The following MALRD1 variants were observed in gnomAD, a reference collection of about 807,000 sequenced individuals.
MALRD1 encodes MAM and LDL-receptor class A domain-containing protein 1.
A neutral mutation model predicts 242.1 loss-of-function variants in MALRD1; 247 were observed. That is an observed-to-expected ratio of 1.02 (90% CI 0.92 to 1.13). The LOEUF (loss-of-function observed/expected upper bound fraction) is 1.13, where lower values mean the gene tolerates loss of function less well. MALRD1 is among the 50% of genes most tolerant of loss of function. MALRD1 has a pLI of 0.00. For missense variants in MALRD1, 2,989 were observed against 2,533.1 expected, an observed-to-expected ratio of 1.18 and a Z score of -3.86; for synonymous variants, 995 against 866.6, an observed-to-expected ratio of 1.15 and a Z score of -2.60.
At chr10:19,599,282 G>C (rs1838243796) in intron 34 of MALRD1, among the ~76,000 whole-genome samples, 1 of 151,474 alleles carries the variant, frequency 6.6e-6, no homozygotes, top group Non-Finnish European at 1.5e-5. Context: ...CTTTATTTTT[G>C]CAGAAATAAT....
intron 18 of MALRD1, among the ~76,000 whole-genome samples, chr10:19,222,632 A>G (rs535766057): frequency 8.1e-4 from 123 of 152,318 alleles, no homozygotes; most frequent in African/African-American, 2.8e-3. Flanking sequence ...ACAAAAAAGC[A>G]GGAGTTTATT....
intron 32 of MALRD1, among the ~76,000 whole-genome samples, chr10:19,561,308 G>T (rs571938334): frequency 6.6e-6 from 1 of 152,010 alleles, no homozygotes; most frequent in Non-Finnish European, 1.5e-5. Flanking sequence ...GCTGTTTCTG[G>T]GTGAAGTACT....
chr10:19,318,250 A>G (rs944046980), intron 21 of MALRD1, among the ~76,000 whole-genome samples: 13 of 152,040 alleles, frequency 8.6e-5, no homozygotes, highest in African/African-American at 2.4e-4. Flanking sequence ...ATTAATACCT[A>G]TAAGACTGGC....
chr10:19,689,244 G>A (rs967243654), intron 36 of MALRD1, among the ~76,000 whole-genome samples: 1 of 152,148 alleles, frequency 6.6e-6, no homozygotes, highest in Non-Finnish European at 1.5e-5. Context: ...GTGTGTGTGT[G>A]TGTGTATCTG....
intron 18 of MALRD1, among the ~76,000 whole-genome samples, chr10:19,244,233 T>G (rs2131757063): frequency 6.6e-6 from 1 of 152,318 alleles, no homozygotes; most frequent in Non-Finnish European, 1.5e-5. Flanking sequence ...CTTAGGCTTC[T>G]TATCTTTCCT....
chr10:19,567,625 G>T lies in MALRD1; in HGVS notation c.5602G>T (p.Glu1868Ter). The change falls in exon 33 of 40, where the codon GAA (glutamate) becomes TAA (stop). Residue 1868 changes from glutamate to a stop codon, truncating the protein, a stop_gained. Transcript: ENST00000454679. LOFTEE classifies it high-confidence loss of function. ...SSNSPFKVAFEADLDGNEDIF... is the reference protein window; with the variant it reads ...SSNSPFKVAF ...TAACAGTCCGTTTAAGGTGGCATTT[G>T]AAGCTGATTTGGATGGAAATGAGGA... is the stretch of plus-strand genomic sequence containing the variant. 6.4e-7 allele frequency: 1 copy of T among 1,550,702 alleles called. No homozygotes were observed. Among genetic ancestry groups the T allele is most frequent in the Non-Finnish European group, 8.7e-7 (1 of 1,146,978 alleles).
chr10:19,535,085 C>T (rs1403649170), intron 32 of MALRD1, among the ~76,000 whole-genome samples: 1 of 152,062 alleles, frequency 6.6e-6, no homozygotes, highest in Non-Finnish European at 1.5e-5. Context: ...GGCGTTTCAC[C>T]ATGTTGGCCA....
chr10:19,330,754 C>T (rs1011721931), intron 23 of MALRD1, among the ~76,000 whole-genome samples: 21 of 151,974 alleles, frequency 1.4e-4, no homozygotes, highest in South Asian at 8.3e-4. Context: ...AGTCCACACA[C>T]GTGGGAAATC....
At chr10:19,693,836 C>T (rs1833226161) in intron 38 of MALRD1, among the ~76,000 whole-genome samples, 1 of 152,132 alleles carries the variant, frequency 6.6e-6, no homozygotes, top group Non-Finnish European at 1.5e-5. Context: ...TATTACAAGG[C>T]TATAGTGACC....
rs914687822 is a variant in MALRD1 at position 19,247,320 on chromosome 10, C to G, written c.2992-10364C>G. The stretch of plus-strand genomic sequence containing the variant: ...ATTACTTCATTAAAAATATTCTCAA[C>G]ATTCATCACATTAAGAAATCACATA... On this transcript the variant is annotated intron_variant, in intron 18 of 39. Coordinates refer to ENST00000454679, the MANE Select transcript of MALRD1 (RefSeq NM_001142308.3). Among the ~76,000 whole-genome samples, 4 of 152,064 alleles carry G rather than the reference C, an allele frequency of 2.6e-5. No individual in the cohort carries two copies. The South Asian group carries it at 8.3e-4, about 32-fold the overall frequency.
At chr10:19,674,390 C>T (rs1842052823) in intron 36 of MALRD1, among the ~76,000 whole-genome samples, 1 of 152,058 alleles carries the variant, frequency 6.6e-6, no homozygotes, top group Non-Finnish European at 1.5e-5. Context: ...GAAAAATTTC[C>T]TGTTTTAGTT....
chr10:19,605,740 T>C (rs981907652), intron 34 of MALRD1, among the ~76,000 whole-genome samples: 18 of 152,160 alleles, frequency 1.2e-4, no homozygotes, highest in African/African-American at 4.3e-4. Context: ...AATGCTTATC[T>C]ACAACAATGC....
At chr10:19,191,793 T>C (rs920827031) in intron 14 of MALRD1, among the ~76,000 whole-genome samples, 1 of 151,668 alleles carries the variant, frequency 6.6e-6, no homozygotes, top group Non-Finnish European at 1.5e-5. Flanking sequence ...AGGTCAGGAG[T>C]TTGAGACCAG....
intron 36 of MALRD1, among the ~76,000 whole-genome samples, chr10:19,627,290 G>A: frequency 6.6e-6 from 1 of 152,142 alleles, no homozygotes; most frequent in East Asian, 1.9e-4. Flanking sequence ...AAGTATGAGG[G>A]TCTTTTCTAA....
At chr10:19,418,445 T>G (rs1476067431) in intron 28 of MALRD1, among the ~76,000 whole-genome samples, 1 of 152,174 alleles carries the variant, frequency 6.6e-6, no homozygotes, top group East Asian at 1.9e-4. Context: ...ATTAAGGTTT[T>G]ATTCATCTTT....
At chr10:19,377,095 C>T (rs1845643680) in intron 26 of MALRD1, among the ~76,000 whole-genome samples, 1 of 152,140 alleles carries the variant, frequency 6.6e-6, no homozygotes, top group Non-Finnish European at 1.5e-5. Flanking sequence ...ATTATTACCA[C>T]ATATCATGCT....
At chr10:19,441,412 T>G (rs558742967) in intron 28 of MALRD1, among the ~76,000 whole-genome samples, 102 of 152,260 alleles carry the variant, frequency 6.7e-4, no homozygotes, top group Non-Finnish European at 1.2e-3. Context: ...TGAAGTCCTT[T>G]CCCATGCCTA....
intron 26 of MALRD1, among the ~76,000 whole-genome samples, chr10:19,368,187 A>G (rs1845187837): frequency 6.6e-6 from 1 of 151,924 alleles, no homozygotes; most frequent in Non-Finnish European, 1.5e-5. Flanking sequence ...TTACTCATGA[A>G]TTGAGTTCCC....
chr10:19,450,346 C>G lies in MALRD1; in HGVS notation c.4885C>G (p.Gln1629Glu), dbSNP rs1042819914. ...ATCAAAAGTATGGCAAGAAAGTAAG[C>G]AGAACCCTGGTAATCATTGGCAAAA... Reference protein sequence around the residue: ...GLSKVWQESKQNPGNHWQKAD... With the variant: ...GLSKVWQESKENPGNHWQKAD... The change falls in exon 29 of 40, where the codon CAG (glutamine) becomes GAG (glutamate). Residue 1629 changes from glutamine to glutamate, a missense_variant. Gln to Glu is a conservative substitution (Grantham distance 29, BLOSUM62 2). Transcript: ENST00000454679. The G allele has an allele frequency of 3.2e-6, 5 of 1,549,098 alleles. No homozygotes were observed. The highest frequency in any genetic ancestry group is 3.9e-5 in the Admixed American group (2 of 50,962).
Sources: gnomAD v4.1 joint callset for allele counts (sites outside exome capture counted in the v4.1 genomes callset) on GRCh38, gnomAD v4.1.1 for gene constraint, MANE v1.5 for transcripts, NCBI Gene and HGNC (gene_info 2026-07-23, HGNC 2026-07-21) for gene names.